Variants in RIGI observed in about 807,000 individuals in gnomAD.
The protein encoded by RIGI is RNA sensor RIG-I.
At chr9:32,489,557 TC>T in the RIGI span, 1 of 558,212 alleles carries the variant, frequency 1.8e-6, no homozygotes, top group Non-Finnish European at 3.1e-6. Context: ...AAGAAGATCC[TC>T]ATTGGAGAAA....
At chr9:32,501,410 T>C in the RIGI span, among the ~76,000 whole-genome samples, 1 of 150,508 alleles carries the variant, frequency 6.6e-6, no homozygotes, top group Non-Finnish European at 1.5e-5. Context: ...GAGGCTGAGG[T>C]GGGAGGATCA....
the RIGI span, among the ~76,000 whole-genome samples, chr9:32,507,098 A>C: frequency 0.016 from 2,436 of 152,292 alleles, 83 homozygotes; most frequent in African/African-American, 0.057. Flanking sequence ...ATAATAGCTA[A>C]CAGTAATTTA....
At chr9:32,472,898 C>T in the RIGI span, 1 of 779,506 alleles carries the variant, frequency 1.3e-6, no homozygotes, top group Non-Finnish European at 1.9e-6. Context: ...TATATATACA[C>T]ACACACATAT....
At chr9:32,461,119 G>T in the RIGI span, among the ~76,000 whole-genome samples, 1 of 151,554 alleles carries the variant, frequency 6.6e-6, no homozygotes, top group African/African-American at 2.4e-5. Flanking sequence ...CATTAGAAAC[G>T]ATGGAGGCTA....
At chr9:32,463,313 A>C in the RIGI span, among the ~76,000 whole-genome samples, 1 of 152,236 alleles carries the variant, frequency 6.6e-6, no homozygotes, top group South Asian at 2.1e-4. Flanking sequence ...CCTTTGGACA[A>C]ATTTCTAGAA....
At chr9:32,511,220 T>G in the RIGI span, among the ~76,000 whole-genome samples, 2 of 152,144 alleles carry the variant, frequency 1.3e-5, no homozygotes, top group African/African-American at 4.8e-5. Flanking sequence ...TGAACTCAGC[T>G]CTGGACAAAG....
the RIGI span, chr9:32,459,595 T>A: frequency 7.5e-7 from 1 of 1,334,988 alleles, no homozygotes. Context: ...GTACAATACA[T>A]ATACATGCAC....
the RIGI span, chr9:32,488,595 C>T: frequency 6.7e-6 from 6 of 889,436 alleles, no homozygotes; most frequent in Non-Finnish European, 9.4e-6. Flanking sequence ...GACTTGAATC[C>T]ATGAAGGGAT....
At chr9:32,477,797 C>A in the RIGI span, among the ~76,000 whole-genome samples, 2 of 151,784 alleles carry the variant, frequency 1.3e-5, no homozygotes, top group Admixed American at 6.6e-5. Flanking sequence ...TGGTGATGGG[C>A]GCCTATAATC....
chr9:32,466,328 G>A, the RIGI span: 31 of 1,613,720 alleles, frequency 1.9e-5, no homozygotes, highest in African/African-American at 1.2e-4. Context: ...GTCTGAAGGC[G>A]TAAAATAGAG....
the RIGI span, among the ~76,000 whole-genome samples, chr9:32,459,973 T>C: frequency 6.8e-6 from 1 of 147,080 alleles, no homozygotes; most frequent in Non-Finnish European, 1.5e-5. Flanking sequence ...CACCCAAATC[T>C]CAACTTGAAT....
the RIGI span, among the ~76,000 whole-genome samples, chr9:32,491,049 G>A: frequency 2.6e-5 from 4 of 151,840 alleles, no homozygotes; most frequent in Admixed American, 6.6e-5. Context: ...ATATAGACAC[G>A]CCCATACTTT....
the RIGI span, chr9:32,491,507 T>C: frequency 9.7e-7 from 1 of 1,034,292 alleles, no homozygotes; most frequent in Non-Finnish European, 1.4e-6. Context: ...GTCATAACAC[T>C]AAGATTTTTA....
the RIGI span, chr9:32,466,369 A>G: frequency 2.5e-6 from 4 of 1,613,752 alleles, no homozygotes; most frequent in Non-Finnish European, 3.4e-6. Flanking sequence ...GTACATGTTT[A>G]TTTGTTCTTT....
chr9:32,509,003 A>C, the RIGI span, among the ~76,000 whole-genome samples: 2 of 152,050 alleles, frequency 1.3e-5, no homozygotes, highest in African/African-American at 4.8e-5. Context: ...AACTGGGTAG[A>C]CCCTACTGCA....
the RIGI span, among the ~76,000 whole-genome samples, chr9:32,458,889 C>CTTT: frequency 0.22 from 27,265 of 124,712 alleles, 4,318 homozygotes; most frequent in East Asian, 0.5. Flanking sequence ...TTTAGCATGA[C>CTTT]TTTTTTTTTT....
chr9:32,518,213 G>C, the RIGI span, among the ~76,000 whole-genome samples: 1 of 152,074 alleles, frequency 6.6e-6, no homozygotes, highest in African/African-American at 2.4e-5. Context: ...TTATGGACTT[G>C]AAAGGTTACT....
the RIGI span, among the ~76,000 whole-genome samples, chr9:32,481,678 C>T: frequency 5.1e-4 from 78 of 152,058 alleles, no homozygotes; most frequent in African/African-American, 1.7e-3. Flanking sequence ...CTCCACCTCC[C>T]GGATTCAAGC....
the RIGI span, among the ~76,000 whole-genome samples, chr9:32,488,382 T>G: frequency 6.6e-6 from 1 of 152,196 alleles, no homozygotes; most frequent in Non-Finnish European, 1.5e-5. Context: ...AAATCCAAGC[T>G]AGTTGTAATT....
Sources: gnomAD v4.1 joint callset for allele counts (sites outside exome capture counted in the v4.1 genomes callset) on GRCh38, gnomAD v4.1.1 for gene constraint, MANE v1.5 for transcripts, NCBI Gene and HGNC (gene_info 2026-07-23, HGNC 2026-07-21) for gene names.